The following GRID2 variants were observed in gnomAD, a reference collection of about 807,000 sequenced individuals.
The protein encoded by GRID2 is glutamate receptor ionotropic, delta-2.
A neutral mutation model predicts 114.8 loss-of-function variants in GRID2; 33 were observed. The observed-to-expected ratio is 0.29, with a 90% confidence interval of 0.22 to 0.38. The LOEUF is 0.38. GRID2 is among the 10% of genes least tolerant of loss of function. The probability of loss-of-function intolerance (pLI) is 1.00; values close to 1 mark genes in which losing one functional copy is unlikely to be tolerated. For missense variants in GRID2, 1,184 were observed against 1,257.7 expected (o/e 0.94, Z 0.89); for synonymous variants, 505 against 449.9 (o/e 1.12, Z -1.55).
At chr4:92,630,560 C>T (rs1187543460) in intron 2 of GRID2, among the ~76,000 whole-genome samples, 4 of 152,138 alleles carry the variant, frequency 2.6e-5, no homozygotes, top group Non-Finnish European at 4.4e-5. Context: ...CCACAGCATC[C>T]TATGCTTAAT....
At position 92,556,932 on chromosome 4, in the gene GRID2, C is replaced by T. The variant is rs1453759884; in HGVS notation, c.89-33199C>T. ...CATGGGAAACCGTTTTACATGCTGC[C>T]TACCACTCACGTAATATCCTAGTAT... On this transcript the variant is annotated intron_variant, in intron 1 of 15. Transcript: ENST00000282020. 5.3e-5 allele frequency among the ~76,000 whole-genome samples: 8 copies of T among 152,144 alleles called. 1 individual carries two copies. In the East Asian group the frequency reaches 1.3e-3, roughly 26 times the overall value.
chr4:92,573,968 T>C (rs962564095), intron 1 of GRID2, among the ~76,000 whole-genome samples: 1 of 152,168 alleles, frequency 6.6e-6, no homozygotes, highest in Admixed American at 6.6e-5. Flanking sequence ...CCTAAGAACT[T>C]GCTTATGAGT....
At chr4:92,495,364 G>T (rs1723336960) in intron 1 of GRID2, among the ~76,000 whole-genome samples, 1 of 151,954 alleles carries the variant, frequency 6.6e-6, no homozygotes, top group African/African-American at 2.4e-5. Flanking sequence ...TAGCAACATA[G>T]ATTCCCTGTT....
At chr4:92,521,798 C>T (rs1436084582) in intron 1 of GRID2, among the ~76,000 whole-genome samples, 1 of 151,858 alleles carries the variant, frequency 6.6e-6, no homozygotes, top group African/African-American at 2.4e-5. Context: ...GCCGGCAGTA[C>T]AAATGGCTTA....
At chr4:93,679,533 G>A (rs1431087795) in intron 14 of GRID2, among the ~76,000 whole-genome samples, 3 of 150,620 alleles carry the variant, frequency 2.0e-5, no homozygotes, top group Non-Finnish European at 4.4e-5. Flanking sequence ...TGGAAGTAAA[G>A]CACTCCTCAG....
intron 2 of GRID2, among the ~76,000 whole-genome samples, chr4:92,776,733 G>T (rs529794476): frequency 5.3e-5 from 8 of 151,956 alleles, no homozygotes; most frequent in East Asian, 1.9e-4. Context: ...TAAAATGAAG[G>T]TCTGCTATTT....
intron 13 of GRID2, among the ~76,000 whole-genome samples, chr4:93,542,567 T>C (rs1732759387): frequency 6.6e-6 from 1 of 152,082 alleles, no homozygotes; most frequent in South Asian, 2.1e-4. Flanking sequence ...GAGCAGAGGA[T>C]GGGTGGGATC....
At chr4:93,188,928 CT>C (rs1740703042) in intron 4 of GRID2, among the ~76,000 whole-genome samples, 2 of 152,130 alleles carry the variant, frequency 1.3e-5, no homozygotes, top group African/African-American at 2.4e-5. Flanking sequence ...TCAGAATGAC[CT>C]TTATCATACA....
At chr4:93,277,045 G>C in intron 8 of GRID2, among the ~76,000 whole-genome samples, 1 of 151,782 alleles carries the variant, frequency 6.6e-6, no homozygotes, top group Non-Finnish European at 1.5e-5. Flanking sequence ...TAGTGGAAAA[G>C]GGGATACAGA....
chr4:92,636,910 T>C lies in GRID2; in HGVS notation c.244+46624T>C, dbSNP rs111885777. ...TTTTATTTGTAAGAGTAAGGGAAATTTGGTAGTTTATAAGCCTGAGTTCAA... is the reference window on the plus strand; with the variant it reads ...TTTTATTTGTAAGAGTAAGGGAAATCTGGTAGTTTATAAGCCTGAGTTCAA... On this transcript the variant is annotated intron_variant, in intron 2 of 15. Transcript: ENST00000282020. 2.6e-3 allele frequency among the ~76,000 whole-genome samples: 388 copies of C among 152,110 alleles called. 1 individual carries two copies. The highest frequency in any genetic ancestry group is 8.6e-3 in the African/African-American group (356 of 41,512).
chr4:92,398,004 C>T (rs1009069812), intron 1 of GRID2, among the ~76,000 whole-genome samples: 1 of 152,080 alleles, frequency 6.6e-6, no homozygotes, highest in Non-Finnish European at 1.5e-5. Context: ...GTAAATAATG[C>T]TCTATATTCC....
intron 8 of GRID2, among the ~76,000 whole-genome samples, chr4:93,383,951 G>C (rs2149312604): frequency 6.6e-6 from 1 of 152,228 alleles, no homozygotes; most frequent in Admixed American, 6.5e-5. Flanking sequence ...GGCTGTCTTA[G>C]ACCTTTTGAG....
intron 1 of GRID2, among the ~76,000 whole-genome samples, chr4:92,540,295 T>C (rs1313617178): frequency 2.6e-5 from 4 of 152,000 alleles, no homozygotes; most frequent in Non-Finnish European, 5.9e-5. Context: ...AATTGACAAA[T>C]GGGATCTAAT....
intron 8 of GRID2, among the ~76,000 whole-genome samples, chr4:93,338,196 C>T (rs1481715779): frequency 3.3e-5 from 5 of 152,068 alleles, no homozygotes; most frequent in African/African-American, 1.2e-4. Context: ...AGCATATTTT[C>T]TCATTTTTTT....
chr4:93,286,900 C>A (rs1044452831), intron 8 of GRID2, among the ~76,000 whole-genome samples: 3 of 151,938 alleles, frequency 2.0e-5, no homozygotes, highest in Non-Finnish European at 4.4e-5. Flanking sequence ...GGACTAATAT[C>A]TATATAGAAA....
At chr4:92,795,008 CTATT>C (rs1170567781) in intron 2 of GRID2, among the ~76,000 whole-genome samples, 1 of 150,144 alleles carries the variant, frequency 6.7e-6, no homozygotes, top group African/African-American at 2.5e-5. Context: ...AATATATTCA[CTATT>C]AATTAAGTGG....
chr4:92,696,732 G>GA (rs2149297646), intron 2 of GRID2, among the ~76,000 whole-genome samples: 1 of 152,138 alleles, frequency 6.6e-6, no homozygotes, highest in Non-Finnish European at 1.5e-5. Flanking sequence ...ATTTAAGAGT[G>GA]AAAAAATATT....
chr4:93,131,070 C>T (rs534478355), intron 4 of GRID2, among the ~76,000 whole-genome samples: 1 of 151,788 alleles, frequency 6.6e-6, no homozygotes, highest in African/African-American at 2.4e-5. Context: ...TTAGCAATGA[C>T]CAACCCTCTC....
chr4:92,936,799 T>G (rs938202374), intron 2 of GRID2, among the ~76,000 whole-genome samples: 1 of 146,622 alleles, frequency 6.8e-6, no homozygotes, highest in African/African-American at 2.4e-5. Context: ...TACTTACTTC[T>G]GAGAATCCTC....
Sources: allele counts gnomAD v4.1 joint callset (sites outside exome capture counted in the v4.1 genomes callset), GRCh38; gene constraint gnomAD v4.1.1; transcripts MANE v1.5; gene names NCBI Gene and HGNC (gene_info 2026-07-23, HGNC 2026-07-21).